TEAD4: variants seen among roughly 807,000 people sequenced by gnomAD.
TEAD4 encodes TEA domain transcription factor 4, also known as transcriptional enhancer factor TEF-3.
In TEAD4, 36 loss-of-function variants were observed where a neutral mutation model predicts 52.4. The observed-to-expected ratio is 0.69, with a 90% confidence interval of 0.53 to 0.91. The LOEUF (loss-of-function observed/expected upper bound fraction) is 0.91. Ranked by LOEUF, TEAD4 falls within the 40% of genes least tolerant of loss-of-function variation. The pLI is 0.00. For missense variants in TEAD4, 508 were observed against 583.9 expected (o/e 0.87, Z 1.34); for synonymous variants, 220 against 231.0 (o/e 0.95, Z 0.43).
Position 3,022,350 on chromosome 12 carries a change from T to C in TEAD4, c.897+333T>C, listed in dbSNP as rs1327441854. 4.6e-5 allele frequency among the ~76,000 whole-genome samples: 7 copies of C among 152,234 alleles called. No homozygotes were observed. In the South Asian group the frequency reaches 1.5e-3, roughly 32 times the overall value. On this transcript the variant is annotated intron_variant, in intron 10 of 12. Transcript: ENST00000359864. ...GACCCTGCGGGGATAAGTGAAGACA[T>C]GACTAGGAGCGCCCTTGTCACCCAG...
rs988848582 is a variant in TEAD4 at position 3,040,549 on chromosome 12, AG to A, written c.*75del. The stretch of plus-strand genomic sequence containing the variant: ...ACGGGGACGTGGGGAGGGGACCTGC[AG>A]GGGCAGCCCCCTGAAGTGCCAAGAG... On this transcript the variant is annotated 3_prime_UTR_variant, in exon 13 of 13. Coordinates refer to ENST00000359864, the MANE Select transcript of TEAD4 (RefSeq NM_003213.4). The A allele has an allele frequency of 8.0e-6, 11 of 1,380,448 alleles. No homozygotes were observed. The African/African-American group carries it at 1.4e-4, about 18-fold the overall frequency. The allele number at this position is 1,380,448 out of a possible 1,614,324, so 85.5% of individuals were successfully genotyped here.
intron 2 of TEAD4, among the ~76,000 whole-genome samples, chr12:2,961,526 A>T (rs2098215315): frequency 6.6e-6 from 1 of 152,100 alleles, no homozygotes; most frequent in African/African-American, 2.4e-5. Context: ...AGCAGCACTG[A>T]TGGAGTGGAA....
rs1055282802 is a variant in TEAD4, at chr12:2,979,498, C to T, written c.-29-15240C>T. Among the ~76,000 whole-genome samples, 7 of 152,226 alleles carry T rather than the reference C, an allele frequency of 4.6e-5. No individual in the cohort carries two copies. The East Asian group carries it at 7.7e-4, about 17-fold the overall frequency. On this transcript the variant is annotated intron_variant, in intron 2 of 12. Coordinates refer to ENST00000359864, the MANE Select transcript of TEAD4 (RefSeq NM_003213.4). ...CCAGGTAGACGAAGTGCGGCGTTGC[C>T]GACCTCAGCTGGGAGCGTGCGCGTC... is the stretch of plus-strand genomic sequence containing the variant.
At chr12:2,981,840 C>T (rs562691943) in intron 2 of TEAD4, among the ~76,000 whole-genome samples, 21 of 152,216 alleles carry the variant, frequency 1.4e-4, no homozygotes, top group African/African-American at 4.8e-4. Context: ...CCTCTTTCAC[C>T]TGTCTCATTT....
intron 3 of TEAD4, among the ~76,000 whole-genome samples, chr12:3,005,649 A>C (rs952602257): frequency 1.3e-5 from 2 of 151,840 alleles, no homozygotes; most frequent in Non-Finnish European, 2.9e-5. Flanking sequence ...GGCGCCCGCC[A>C]CCATGCCCGG....
At chr12:3,012,588 T>TG (rs1184352376) in intron 5 of TEAD4, among the ~76,000 whole-genome samples, 24 of 150,866 alleles carry the variant, frequency 1.6e-4, no homozygotes, top group African/African-American at 3.9e-4. Flanking sequence ...GGCAGGGGCA[T>TG]GGGGGGGTGC....
chr12:3,020,240 G>A (rs2098267703), intron 8 of TEAD4, among the ~76,000 whole-genome samples: 2 of 152,220 alleles, frequency 1.3e-5, no homozygotes, highest in South Asian at 4.1e-4. Flanking sequence ...CCGGGATGAT[G>A]CCATATTGTA....
At chr12:2,974,120 G>C (rs12423161) in intron 2 of TEAD4, among the ~76,000 whole-genome samples, 1 of 152,152 alleles carries the variant, frequency 6.6e-6, no homozygotes, top group Non-Finnish European at 1.5e-5. Context: ...AGGTGCCTTA[G>C]CCTCCCGAGT....
chr12:2,963,210 C>G (rs1033134891), intron 2 of TEAD4, among the ~76,000 whole-genome samples: 7 of 152,214 alleles, frequency 4.6e-5, no homozygotes, highest in Non-Finnish European at 8.8e-5. Context: ...AATGTCACAA[C>G]CTCCTTTGAT....
intron 3 of TEAD4, 110 bp from the exon 4 acceptor site, chr12:3,010,894 A>C (rs2098259772): frequency 8.4e-7 from 1 of 1,193,954 alleles, no homozygotes; most frequent in Middle Eastern, 2.0e-4. Context: ...TCCGCTTAGG[A>C]TGGGCAGAGA....
intron 2 of TEAD4, among the ~76,000 whole-genome samples, chr12:2,984,462 G>A (rs2153954178): frequency 6.6e-6 from 1 of 152,270 alleles, no homozygotes; most frequent in Non-Finnish European, 1.5e-5. Flanking sequence ...CAGAAAGACA[G>A]GATGTGGTCA....
intron 2 of TEAD4, among the ~76,000 whole-genome samples, chr12:2,989,211 A>C (rs891168056): frequency 6.6e-6 from 1 of 151,710 alleles, no homozygotes; most frequent in Non-Finnish European, 1.5e-5. Context: ...CAAAGTGCTG[A>C]GATTATAGGT....
chr12:3,011,095 C>T lies in TEAD4; in HGVS notation c.291+27C>T, dbSNP rs371121412. The T allele has an allele frequency of 6.8e-5, 109 of 1,612,942 alleles. No individual in the cohort carries two copies. In the Middle Eastern group the frequency reaches 1.0e-3, roughly 15 times the overall value. The stretch of plus-strand genomic sequence containing the variant: ...TGGGCCTCAAGAGACGGGTAGGGGT[C>T]CCGGGGGTGGTACCCCAGCACCAGT... On this transcript the variant is annotated intron_variant, in intron 4 of 12. Transcript: ENST00000359864.
At chr12:2,980,838 A>G (rs1325693327) in intron 2 of TEAD4, among the ~76,000 whole-genome samples, 1 of 152,178 alleles carries the variant, frequency 6.6e-6, no homozygotes, top group Admixed American at 6.5e-5. Flanking sequence ...AGGCGGGCAG[A>G]TGTCTGAGGT....
chr12:3,022,992 C>T (rs760173561), intron 10 of TEAD4, among the ~76,000 whole-genome samples: 3 of 152,212 alleles, frequency 2.0e-5, no homozygotes, highest in Non-Finnish European at 4.4e-5. Flanking sequence ...GGCATATTCA[C>T]ACCGAAGTTT....
chr12:2,971,378 A>G (rs965584629), intron 2 of TEAD4, among the ~76,000 whole-genome samples: 4 of 152,118 alleles, frequency 2.6e-5, no homozygotes, highest in African/African-American at 9.7e-5. Flanking sequence ...GACAGAGAAA[A>G]TGTGATTTGA....
intron 2 of TEAD4, among the ~76,000 whole-genome samples, chr12:2,962,390 C>T (rs146822891): frequency 0.16 from 22,408 of 143,300 alleles, 1,929 homozygotes; most frequent in South Asian, 0.27. Flanking sequence ...GGCTGGAGTG[C>T]GATGGTGCGA....
chr12:3,008,931 T>C (rs2153956429), intron 3 of TEAD4, among the ~76,000 whole-genome samples: 1 of 152,328 alleles, frequency 6.6e-6, no homozygotes, highest in Admixed American at 6.5e-5. Flanking sequence ...CTTGGGAACC[T>C]CTCTTCTTCC....
intron 10 of TEAD4, among the ~76,000 whole-genome samples, chr12:3,032,678 C>T (rs181522075): frequency 1.2e-3 from 176 of 152,286 alleles, no homozygotes; most frequent in African/African-American, 4.1e-3. Flanking sequence ...GGGGCTGTGG[C>T]CTGCCCTTGC....
Sources: allele counts gnomAD v4.1 joint callset (sites outside exome capture counted in the v4.1 genomes callset), GRCh38; gene constraint gnomAD v4.1.1; transcripts MANE v1.5; gene names NCBI Gene and HGNC (gene_info 2026-07-23, HGNC 2026-07-21).